Variants in ATM observed in about 807,000 individuals in gnomAD.
ATM encodes serine-protein kinase ATM.
A neutral mutation model predicts 387.0 loss-of-function variants in ATM; 308 were observed. That is an observed-to-expected ratio of 0.80 (90% CI 0.73 to 0.87). The LOEUF is 0.87. Among genes scored for constraint, ATM ranks in the 40% least tolerant of loss-of-function variants. The pLI, the probability that ATM is intolerant of heterozygous loss-of-function variation, is 0.00. For missense variants in ATM, 3,312 were observed against 3,560.9 expected (o/e 0.93, Z 1.78); for synonymous variants, 1,156 against 1,187.3 (o/e 0.97, Z 0.54).
At position 108,331,906 on chromosome 11, in the gene ATM, C is replaced by A. The variant is rs1555124475; in HGVS notation, c.7657C>A (p.Pro2553Thr). Residue 2553 changes from proline (P) to threonine (T), a missense_variant, in exon 52 of 63, where the codon CCC becomes ACC. Physicochemically the swap from Pro to Thr is conservative, Grantham distance 38. Coordinates refer to ENST00000675843, the MANE Select transcript of ATM (RefSeq NM_000051.4). ...NLISRISMDHPHHTLFIILAL... is the reference protein window; with the variant it reads ...NLISRISMDHTHHTLFIILAL... Reference sequence around the variant, plus strand: ...AATCTCTAGAATTTCAATGGATCACCCCCATCACACTTTGTTTATTATACT... The same window carrying A: ...AATCTCTAGAATTTCAATGGATCACACCCATCACACTTTGTTTATTATACT... 6.2e-7 allele frequency: 1 copy of A among 1,613,732 alleles called. No individual in the cohort carries two copies. Among genetic ancestry groups the A allele is most frequent in the Non-Finnish European group, 8.5e-7 (1 of 1,179,806 alleles).
intron 61 of ATM, among the ~76,000 whole-genome samples, chr11:108,358,156 C>T (rs919161668): frequency 6.6e-6 from 1 of 151,610 alleles, no homozygotes; most frequent in Non-Finnish European, 1.5e-5. Flanking sequence ...ATGCAGAAGC[C>T]TCAGGAGCCG....
intron 48 of ATM, among the ~76,000 whole-genome samples, chr11:108,328,480 A>G (rs577525842): frequency 6.6e-6 from 1 of 152,242 alleles, no homozygotes; most frequent in South Asian, 2.1e-4. Context: ...TCCTGACCTC[A>G]AGTGATCCAC....
At chr11:108,362,329 G>A (rs1233487352) in intron 61 of ATM, among the ~76,000 whole-genome samples, 1 of 151,384 alleles carries the variant, frequency 6.6e-6, no homozygotes, top group Non-Finnish European at 1.5e-5. Flanking sequence ...GGAGAAATAG[G>A]AACCCTTTTA....
chr11:108,330,531 G>A, intron 50 of ATM, 110 bp downstream of exon 50: 1 of 1,081,946 alleles, frequency 9.2e-7, no homozygotes, highest in Non-Finnish European at 1.4e-6. Context: ...ACTTGGTCCA[G>A]TGCTCTACAC....
intron 27 of ATM, among the ~76,000 whole-genome samples, 164 bp downstream of exon 27, chr11:108,287,879 C>T (rs1014727265): frequency 6.6e-6 from 1 of 152,178 alleles, no homozygotes. Flanking sequence ...TACCTATCCT[C>T]TTTTACCATA....
intron 57 of ATM, 72 bp from the exon 58 acceptor site, chr11:108,345,671 A>C: frequency 8.1e-7 from 1 of 1,237,388 alleles, no homozygotes; most frequent in Non-Finnish European, 1.1e-6. Flanking sequence ...TCATATTTTT[A>C]TATAAAAATG....
intron 16 of ATM, among the ~76,000 whole-genome samples, chr11:108,261,334 C>T (rs1019164137): frequency 6.6e-5 from 10 of 152,190 alleles, no homozygotes; most frequent in South Asian, 2.1e-4. Context: ...CCCTGACCCC[C>T]GAACAGCCTA....
chr11:108,297,935 T>C (rs560893272), intron 33 of ATM, among the ~76,000 whole-genome samples: 15 of 152,332 alleles, frequency 9.8e-5, no homozygotes, highest in African/African-American at 3.4e-4. Flanking sequence ...AAATACTTGT[T>C]TTTAGAGTTA....
intron 15 of ATM, 123 bp downstream of exon 15, chr11:108,257,729 C>T (rs536139100): frequency 4.1e-6 from 4 of 967,694 alleles, no homozygotes; most frequent in African/African-American, 3.2e-5. Context: ...CAGCAATTCT[C>T]CTGCCTCAGC....
At chr11:108,267,711 G>GCC (rs1369641124) in intron 17 of ATM, among the ~76,000 whole-genome samples, 296 of 152,212 alleles carry the variant, frequency 1.9e-3, no homozygotes, top group Non-Finnish European at 3.5e-3. Flanking sequence ...ACAAAAATTA[G>GCC]ATGGGCGTGG....
At chr11:108,306,162 TTC>T (rs2083678265) in intron 37 of ATM, among the ~76,000 whole-genome samples, 1 of 152,196 alleles carries the variant, frequency 6.6e-6, no homozygotes, top group Admixed American at 6.5e-5. Context: ...GTATTTTATT[TTC>T]TGTTGGCTAA....
In ATM at chr11:108,253,989, C is replaced by A. The variant is rs765965513; in HGVS notation, c.2074C>A (p.Arg692Ser). 4 of 1,613,894 alleles carry A rather than the reference C, an allele frequency of 2.5e-6. No homozygotes were observed. Among genetic ancestry groups the A allele is most frequent in the Non-Finnish European group, 3.4e-6 (4 of 1,179,946 alleles). The change falls in exon 13 of 63, where the codon CGC becomes AGC. Residue 692 changes from arginine to serine, a missense_variant. Coordinates refer to ENST00000675843, the MANE Select transcript of ATM (RefSeq NM_000051.4). ...VHQNLKESLD[R>S]CLLGLSEQLL... ...CCAGAATCTCAAGGAATCACTGGAT[C>A]GCTGTCTTCTGGGATTATCAGAACA...
In ATM at chr11:108,368,372, A is replaced by G. The variant is rs1389191588; in HGVS notation, c.*2864A>G. On this transcript the variant is annotated 3_prime_UTR_variant, in exon 63 of 63. Transcript: ENST00000675843. Reference sequence around the variant, plus strand: ...AGAAAACTGCCAAGGACAAATGAGGAGTAGTTAGATTTTGAAAATATTAAT... The same window carrying G: ...AGAAAACTGCCAAGGACAAATGAGGGGTAGTTAGATTTTGAAAATATTAAT... 4.8e-6 allele frequency: 1 copy of G among 209,862 alleles called. No individual in the cohort carries two copies. The highest frequency in any genetic ancestry group is 9.7e-6 in the Non-Finnish European group (1 of 103,372). The allele number at this position is 209,862 out of a possible 1,614,324, so 13.0% of individuals were successfully genotyped here. A position where few individuals can be genotyped will look rare whatever the true frequency, so the allele number is the denominator to read the frequency against.
intron 34 of ATM, among the ~76,000 whole-genome samples, chr11:108,300,096 GGTCCCTGT>G (rs2083349252): frequency 1.3e-5 from 2 of 151,996 alleles, no homozygotes; most frequent in African/African-American, 4.8e-5. Context: ...TTCCAGACAA[GGTCCCTGT>G]TAAAATTTTA....
rs2135738120 is a variant in ATM, at chr11:108,287,715, G to C, written c.4109G>C (p.Gly1370Ala). ...AGCACTGACCTCTGTGACTTTTCAG[G>C]GTATGTACATTTTAAACTTAGAGAA... is the stretch of plus-strand genomic sequence containing the variant. Reference protein sequence around the residue: ...SQSTDLCDFSGDLDPAPNPPH... With the variant: ...SQSTDLCDFSADLDPAPNPPH... Residue 1370 changes from glycine (G) to alanine (A), a missense_variant and splice_region_variant, in exon 27 of 63, where the codon GGG (glycine) becomes GCG (alanine). Coordinates refer to ENST00000675843, the MANE Select transcript of ATM (RefSeq NM_000051.4). The C allele has an allele frequency of 6.2e-7, 1 of 1,606,824 alleles. No individual in the cohort carries two copies. The highest frequency in any genetic ancestry group is 8.5e-7 in the Non-Finnish European group (1 of 1,174,052).
At chr11:108,356,666 G>T (rs1054999177) in intron 61 of ATM, among the ~76,000 whole-genome samples, 2 of 152,006 alleles carry the variant, frequency 1.3e-5, no homozygotes, top group Non-Finnish European at 2.9e-5. Flanking sequence ...GGTGGATTTG[G>T]GAGTTTCTTC....
rs975765825 is a variant in ATM, at chr11:108,279,366, A to G, written c.3285-125A>G. 1.6e-5 allele frequency: 12 copies of G among 728,416 alleles called. No homozygotes were observed. In the African/African-American group the frequency reaches 2.1e-4, roughly 13 times the overall value. The allele number at this position is 728,416 out of a possible 1,614,324, so 45.1% of individuals were successfully genotyped here. On this transcript the variant is annotated intron_variant, in intron 22 of 62. Coordinates refer to ENST00000675843, the MANE Select transcript of ATM (RefSeq NM_000051.4). ...CAGGTTTTGTTAGTCTTTAAGAAAG[A>G]GCTAGTATGTTATTATGTCTCACAG...
intron 9 of ATM, among the ~76,000 whole-genome samples, chr11:108,250,318 AATTTTTGTATTTTTAGTAGAG>A (rs1448597867): frequency 6.6e-6 from 1 of 151,866 alleles, no homozygotes. Context: ...ATGCCCGGCT[AATTTTTGTATTTTTAGTAGAG>A]ACTGGGTTTC....
At chr11:108,333,236 G>A (rs4988127) in intron 53 of ATM, among the ~76,000 whole-genome samples, 1,723 of 152,030 alleles carry the variant, frequency 0.011, 36 homozygotes, top group African/African-American at 0.039. Flanking sequence ...TTTTTTAAAC[G>A]ATGTGGTTAC....
Sources: gnomAD v4.1 joint callset for allele counts (sites outside exome capture counted in the v4.1 genomes callset) on GRCh38, gnomAD v4.1.1 for gene constraint, MANE v1.5 for transcripts, NCBI Gene and HGNC (gene_info 2026-07-23, HGNC 2026-07-21) for gene names.